Variants in CSMD1 observed in about 807,000 individuals in gnomAD.
CSMD1 encodes CUB and sushi domain-containing protein 1.
A neutral mutation model predicts 417.5 loss-of-function variants in CSMD1; 213 were observed. That is an observed-to-expected ratio of 0.51 (90% CI 0.46 to 0.57). The LOEUF (loss-of-function observed/expected upper bound fraction) is 0.57. Ranked by LOEUF, CSMD1 falls within the 20% of genes least tolerant of loss-of-function variation. The pLI is 0.00. For missense variants in CSMD1, 6,923 were observed against 4,529.7 expected (o/e 1.53, Z -15.17); for synonymous variants, 2,862 against 1,736.8 (o/e 1.65, Z -16.11).
chr8:4,834,179 G>T (rs1390601653), intron 1 of CSMD1, among the ~76,000 whole-genome samples: 2 of 152,154 alleles, frequency 1.3e-5, no homozygotes, highest in Non-Finnish European at 2.9e-5. Flanking sequence ...GTTATGTCAG[G>T]TTTAAATCTG....
At chr8:3,812,784 T>C (rs1391248438) in intron 5 of CSMD1, among the ~76,000 whole-genome samples, 1 of 152,198 alleles carries the variant, frequency 6.6e-6, no homozygotes, top group African/African-American at 2.4e-5. Context: ...CAATGTATAG[T>C]AGCTATTGAA....
chr8:4,511,864 A>G (rs535375290), intron 2 of CSMD1, among the ~76,000 whole-genome samples: 1 of 152,300 alleles, frequency 6.6e-6, no homozygotes, highest in East Asian at 1.9e-4. Flanking sequence ...ATATTGGAGA[A>G]GAGCCTCCTC....
intron 3 of CSMD1, among the ~76,000 whole-genome samples, chr8:4,327,899 A>G (rs975499893): frequency 1.6e-4 from 24 of 152,188 alleles, no homozygotes; most frequent in Admixed American, 1.6e-3. Context: ...TTTTGCTTCC[A>G]GGTCCCTAAT....
chr8:3,022,656 G>C (rs1435773511), intron 51 of CSMD1, among the ~76,000 whole-genome samples: 2 of 147,728 alleles, frequency 1.4e-5, no homozygotes, highest in East Asian at 2.0e-4. Context: ...CTCAAGAGTA[G>C]GTCTTTTCAA....
chr8:4,815,242 C>G (rs1203314500), intron 1 of CSMD1, among the ~76,000 whole-genome samples: 1 of 151,706 alleles, frequency 6.6e-6, no homozygotes, highest in South Asian at 2.1e-4. Context: ...TTGATGAAAC[C>G]ACAATTAACA....
At chr8:3,673,647 A>G (rs1585054187) in intron 7 of CSMD1, among the ~76,000 whole-genome samples, 1 of 152,218 alleles carries the variant, frequency 6.6e-6, no homozygotes, top group South Asian at 2.1e-4. Context: ...GGCAACTTAT[A>G]TATAAAGCAT....
At chr8:4,790,258 G>T (rs773631937) in intron 1 of CSMD1, among the ~76,000 whole-genome samples, 1 of 151,930 alleles carries the variant, frequency 6.6e-6, no homozygotes, top group African/African-American at 2.4e-5. Flanking sequence ...AAAATAACTA[G>T]GAATACAGCT....
chr8:4,581,507 G>C (rs1299264244), intron 2 of CSMD1, among the ~76,000 whole-genome samples: 2 of 152,182 alleles, frequency 1.3e-5, no homozygotes, highest in Non-Finnish European at 2.9e-5. Flanking sequence ...AAAAGGGTTT[G>C]AGAAGCATGC....
intron 3 of CSMD1, among the ~76,000 whole-genome samples, chr8:4,282,625 A>G (rs573018981): frequency 6.0e-4 from 91 of 152,334 alleles, no homozygotes; most frequent in African/African-American, 2.1e-3. Flanking sequence ...TAGTTAGTAT[A>G]TTGTATGCAT....
intron 5 of CSMD1, among the ~76,000 whole-genome samples, chr8:3,810,032 G>A (rs929463302): frequency 2.0e-5 from 3 of 152,134 alleles, no homozygotes; most frequent in African/African-American, 7.2e-5. Flanking sequence ...TTGCTGCCAT[G>A]TCTGTAGTCC....
chr8:3,383,316 T>C (rs564710108), intron 18 of CSMD1, among the ~76,000 whole-genome samples: 21 of 152,308 alleles, frequency 1.4e-4, no homozygotes, highest in Admixed American at 9.2e-4. Flanking sequence ...TTAAAGTTTT[T>C]AGGAGAGAAC....
At chr8:3,251,142 C>G (rs941256997) in intron 26 of CSMD1, among the ~76,000 whole-genome samples, 3 of 152,048 alleles carry the variant, frequency 2.0e-5, no homozygotes, top group South Asian at 2.1e-4. Flanking sequence ...CTTGCCCGTG[C>G]CTATGTCCTG....
intron 25 of CSMD1, among the ~76,000 whole-genome samples, chr8:3,296,312 G>C (rs959095909): frequency 6.6e-6 from 1 of 151,718 alleles, no homozygotes; most frequent in African/African-American, 2.4e-5. Flanking sequence ...GGGGCATACC[G>C]TCCGCATTTG....
intron 1 of CSMD1, among the ~76,000 whole-genome samples, chr8:4,773,728 T>C (rs1417993684): frequency 2.0e-5 from 3 of 152,130 alleles, no homozygotes; most frequent in Non-Finnish European, 4.4e-5. Flanking sequence ...ATGATGAACA[T>C]TACCCATTTC....
At chr8:3,782,439 A>C (rs968435701) in intron 5 of CSMD1, among the ~76,000 whole-genome samples, 2 of 152,234 alleles carry the variant, frequency 1.3e-5, no homozygotes, top group Admixed American at 6.5e-5. Context: ...CCCTGAATTC[A>C]GGACAGCAGT....
At chr8:3,187,566 C>T (rs10216985) in intron 36 of CSMD1, among the ~76,000 whole-genome samples, 41,246 of 151,942 alleles carry the variant, frequency 0.27, 6,244 homozygotes, top group Non-Finnish European at 0.36. Context: ...TAACCTCTGC[C>T]TCTTTGCTAC....
chr8:3,846,212 T>G (rs1803492555), intron 5 of CSMD1, among the ~76,000 whole-genome samples: 1 of 152,208 alleles, frequency 6.6e-6, no homozygotes, highest in South Asian at 2.1e-4. Flanking sequence ...ACTATACGTT[T>G]GTTGCCACCA....
At chr8:3,286,103 T>C (rs1803135171) in intron 25 of CSMD1, among the ~76,000 whole-genome samples, 1 of 152,156 alleles carries the variant, frequency 6.6e-6, no homozygotes, top group African/African-American at 2.4e-5. Context: ...TGAGATAGTT[T>C]GCTGAGAATC....
rs746418205 is a variant in CSMD1, at chr8:3,399,323, T to A, written c.2405+68A>T. ...ACTGCCATCTTTTTAAAGTTTAAGATCCATTTACTAAAACTATGGAAGAGA... is the reference window on the plus strand; with the variant it reads ...ACTGCCATCTTTTTAAAGTTTAAGAACCATTTACTAAAACTATGGAAGAGA... On this transcript the variant is annotated intron_variant, in intron 16 of 69. Coordinates refer to ENST00000635120, the MANE Select transcript of CSMD1 (RefSeq NM_033225.6). 4.2e-5 allele frequency: 59 copies of A among 1,401,600 alleles called. No homozygotes were observed. In the South Asian group the frequency reaches 5.4e-4, roughly 13 times the overall value. The allele number at this position is 1,401,600 out of a possible 1,614,324, so 86.8% of individuals were successfully genotyped here. A position where few individuals can be genotyped will look rare whatever the true frequency, so the allele number is the denominator to read the frequency against.
Sources: allele counts gnomAD v4.1 joint callset (sites outside exome capture counted in the v4.1 genomes callset), GRCh38; gene constraint gnomAD v4.1.1; transcripts MANE v1.5; gene names NCBI Gene and HGNC (gene_info 2026-07-23, HGNC 2026-07-21).